The following HMCN1 variants were observed in gnomAD, a reference collection of about 807,000 sequenced individuals.
The protein encoded by HMCN1 is hemicentin-1.
HMCN1 carries 321 observed loss-of-function variants against 625.9 expected under a neutral mutation model. That is an observed-to-expected ratio of 0.51 (90% CI 0.47 to 0.56). HMCN1 has a LOEUF of 0.56. HMCN1 is among the 20% of genes least tolerant of loss of function. The pLI is 0.00. For missense variants in HMCN1, 6,588 were observed against 6,887.3 expected (o/e 0.96, Z 1.54); for synonymous variants, 2,425 against 2,417.6 (o/e 1.00, Z -0.09).
At chr1:186,122,450 A>G (rs1292345866) in intron 80 of HMCN1, among the ~76,000 whole-genome samples, 3 of 152,098 alleles carry the variant, frequency 2.0e-5, no homozygotes, top group African/African-American at 7.2e-5. Flanking sequence ...CTATATAATT[A>G]TTTTCCATGA....
rs1385402475 is a variant in HMCN1 at position 186,112,793 on chromosome 1, C to A, written c.10990-19C>A. Reference sequence around the variant, plus strand: ...TTCCTGACATTTTAACGGCAAATTTCTTTACTTGCTGAATCCAGGCAACAC... The same window carrying A: ...TTCCTGACATTTTAACGGCAAATTTATTTACTTGCTGAATCCAGGCAACAC... On this transcript the variant is annotated intron_variant, in intron 71 of 106. Coordinates refer to ENST00000271588, the MANE Select transcript of HMCN1 (RefSeq NM_031935.3). 2 of 1,613,858 alleles carry A rather than the reference C, an allele frequency of 1.2e-6. No homozygotes were observed. Among genetic ancestry groups the A allele is most frequent in the South Asian group, 1.1e-5 (1 of 91,066 alleles).
At chr1:185,868,579 C>A (rs1461040491) in intron 4 of HMCN1, among the ~76,000 whole-genome samples, 1 of 152,240 alleles carries the variant, frequency 6.6e-6, no homozygotes, top group Middle Eastern at 3.4e-3. Context: ...TTCACTCCCC[C>A]TTCCGTCATG....
At chr1:186,149,605 C>A (rs1650548651) in intron 93 of HMCN1, among the ~76,000 whole-genome samples, 1 of 152,208 alleles carries the variant, frequency 6.6e-6, no homozygotes, top group Non-Finnish European at 1.5e-5. Context: ...TTCTTCAAGA[C>A]TTCTCCCTTT....
intron 1 of HMCN1, among the ~76,000 whole-genome samples, chr1:185,757,718 C>G (rs560604898): frequency 6.6e-6 from 1 of 152,072 alleles, no homozygotes; most frequent in Non-Finnish European, 1.5e-5. Context: ...ATTTCTAACT[C>G]TTTAAATAGT....
chr1:185,890,475 G>C (rs989878776), intron 4 of HMCN1, among the ~76,000 whole-genome samples: 1 of 145,262 alleles, frequency 6.9e-6, no homozygotes, highest in Non-Finnish European at 1.5e-5. Flanking sequence ...TCTACACACT[G>C]CTTTGAATGT....
intron 1 of HMCN1, among the ~76,000 whole-genome samples, chr1:185,834,599 T>C (rs1435852242): frequency 6.6e-6 from 1 of 152,186 alleles, no homozygotes; most frequent in African/African-American, 2.4e-5. Context: ...CTATGGTCTC[T>C]TTATAACTTA....
chr1:185,892,780 C>G (rs1388525502), intron 4 of HMCN1, among the ~76,000 whole-genome samples: 2 of 152,168 alleles, frequency 1.3e-5, no homozygotes, highest in East Asian at 3.9e-4. Context: ...CTGTGCCCTG[C>G]CCCCAGAGGT....
At chr1:185,851,140 T>C (rs1275092270) in intron 2 of HMCN1, among the ~76,000 whole-genome samples, 2 of 152,184 alleles carry the variant, frequency 1.3e-5, no homozygotes, top group Non-Finnish European at 2.9e-5. Context: ...ATATAAAATT[T>C]TGTTTTATGT....
rs140057862 is a variant in HMCN1, at chr1:186,038,857, A to C, written c.5880A>C (p.Leu1960=). Residue 1960 remains leucine, a synonymous_variant, in exon 38 of 107, where the codon CTA becomes CTC. Coordinates refer to ENST00000271588, the MANE Select transcript of HMCN1 (RefSeq NM_031935.3). ...TTACATGGTACAAAGATAATCGTCTACTCTCAGGTTCCACCAGCATGACTT... is the reference window on the plus strand; with the variant it reads ...TTACATGGTACAAAGATAATCGTCTCCTCTCAGGTTCCACCAGCATGACTT... ...PVITWYKDNR[L]LSGSTSMTFL... is the part of the protein sequence containing the mutation. 2 of 1,604,540 alleles carry C rather than the reference A, an allele frequency of 1.2e-6. No individual in the cohort carries two copies. The highest frequency in any genetic ancestry group is 2.2e-5 in the East Asian group (1 of 44,768).
At chr1:185,963,716 A>G (rs941602855) in intron 12 of HMCN1, 52 bp from the exon 13 acceptor site, 7 of 1,309,236 alleles carry the variant, frequency 5.3e-6, no homozygotes, top group Non-Finnish European at 6.6e-6. Context: ...TTATCTTGAT[A>G]TTACTATTGT....
At chr1:186,136,530 A>G in intron 86 of HMCN1, 138 bp from the exon 87 acceptor site, 2 of 766,622 alleles carry the variant, frequency 2.6e-6, no homozygotes, top group African/African-American at 1.8e-5. Flanking sequence ...ATTATAATCT[A>G]TAATCTTAGT....
At chr1:186,158,670 CA>C (rs1651210572) in intron 97 of HMCN1, among the ~76,000 whole-genome samples, 1 of 152,060 alleles carries the variant, frequency 6.6e-6, no homozygotes, top group Non-Finnish European at 1.5e-5. Flanking sequence ...CCAGTTTTTC[CA>C]GCACCATTTA....
intron 22 of HMCN1, 57 bp from the exon 23 acceptor site, chr1:185,993,125 T>G (rs566949737): frequency 3.6e-4 from 553 of 1,526,056 alleles, no homozygotes; most frequent in Non-Finnish European, 4.8e-4. Context: ...TGTAGCTGCA[T>G]AGGGGATATT....
At chr1:186,177,812 C>T (rs757996577) in intron 103 of HMCN1, among the ~76,000 whole-genome samples, 1 of 151,670 alleles carries the variant, frequency 6.6e-6, no homozygotes, top group Non-Finnish European at 1.5e-5. Flanking sequence ...TTAAGAGGTA[C>T]TATCTTGAGA....
At chr1:186,149,649 A>G (rs1650551321) in intron 93 of HMCN1, among the ~76,000 whole-genome samples, 1 of 152,218 alleles carries the variant, frequency 6.6e-6, no homozygotes, top group African/African-American at 2.4e-5. Context: ...TTGATGCAAG[A>G]GGCCTAGCTT....
chr1:186,160,709 G>T (rs186342388), intron 97 of HMCN1, among the ~76,000 whole-genome samples: 2 of 152,168 alleles, frequency 1.3e-5, no homozygotes, highest in Non-Finnish European at 2.9e-5. Context: ...AGGTTGTTCA[G>T]TTTCCATGTA....
intron 1 of HMCN1, among the ~76,000 whole-genome samples, chr1:185,806,500 T>C (rs985462877): frequency 1.4e-5 from 2 of 144,308 alleles, no homozygotes; most frequent in Non-Finnish European, 3.0e-5. Context: ...TGAGTTGTGA[T>C]CATGCCACTT....
At chr1:186,082,390 A>G (rs139561357) in intron 56 of HMCN1, among the ~76,000 whole-genome samples, 17 of 152,180 alleles carry the variant, frequency 1.1e-4, no homozygotes, top group Non-Finnish European at 2.2e-4. Context: ...TTCCTCCCCA[A>G]GTGATCTCTA....
Position 186,182,176 on chromosome 1 carries a change from G to A in HMCN1, c.16303G>A (p.Glu5435Lys). The stretch of plus-strand genomic sequence containing the variant: ...GTCTTCTTCCTGAACAGATATTGAT[G>A]AATGTGAAAATACAGATGCCTGCCA... ...ASHDTCVDID[E>K]CENTDACQHE... Residue 5435 changes from glutamate to lysine, a missense_variant, in exon 105 of 107, where the codon GAA becomes AAA. Glu to Lys is a moderately conservative substitution (Grantham distance 56). This residue lies in a region of HMCN1 where 1,954 missense variants were observed against 2,013.1 expected (regional missense o/e 0.97). Coordinates refer to ENST00000271588, the MANE Select transcript of HMCN1 (RefSeq NM_031935.3). The A allele has an allele frequency of 6.2e-7, 1 of 1,613,136 alleles. No individual in the cohort carries two copies. The highest frequency in any genetic ancestry group is 8.5e-7 in the Non-Finnish European group (1 of 1,179,284).
Sources: allele counts gnomAD v4.1 joint callset (sites outside exome capture counted in the v4.1 genomes callset), GRCh38; gene constraint gnomAD v4.1.1; regional missense constraint gnomAD v4.1.1; transcripts MANE v1.5; gene names NCBI Gene and HGNC (gene_info 2026-07-23, HGNC 2026-07-21).